The following PTPRD variants were observed in gnomAD, a reference collection of about 807,000 sequenced individuals.
The protein encoded by PTPRD is receptor-type tyrosine-protein phosphatase delta.
In PTPRD, 34 loss-of-function variants were observed where a neutral mutation model predicts 214.5. The observed-to-expected ratio is 0.16, with a 90% CI of 0.12 to 0.21. The LOEUF is 0.21. PTPRD is among the 10% of genes least tolerant of loss of function. The pLI is 1.00. For missense variants in PTPRD, 2,545 were observed against 2,398.7 expected (o/e 1.06, Z -1.27); for synonymous variants, 1,128 against 845.7 (o/e 1.33, Z -5.79).
intron 11 of PTPRD, among the ~76,000 whole-genome samples, chr9:8,882,145 C>G (rs555002818): frequency 6.6e-6 from 1 of 152,174 alleles, no homozygotes; most frequent in East Asian, 1.9e-4. Flanking sequence ...TCCTTTTTCC[C>G]TTTATAGCAT....
chr9:9,748,315 C>A (rs996534990), intron 6 of PTPRD, among the ~76,000 whole-genome samples: 2 of 152,194 alleles, frequency 1.3e-5, no homozygotes, highest in Middle Eastern at 3.4e-3. Flanking sequence ...ATGTTCACAC[C>A]AGAATTGTTC....
At chr9:10,442,964 T>A (rs1343119998) in intron 2 of PTPRD, among the ~76,000 whole-genome samples, 2 of 151,444 alleles carry the variant, frequency 1.3e-5, no homozygotes, top group Non-Finnish European at 3.0e-5. Context: ...TTCACACATG[T>A]CTGTTTGGAT....
intron 11 of PTPRD, among the ~76,000 whole-genome samples, chr9:8,846,826 G>A (rs2097706886): frequency 6.6e-6 from 1 of 152,126 alleles, no homozygotes; most frequent in African/African-American, 2.4e-5. Context: ...GTGCCTTTTG[G>A]TAAGGAATAT....
intron 8 of PTPRD, among the ~76,000 whole-genome samples, chr9:9,461,174 A>G (rs2093621384): frequency 6.8e-6 from 1 of 146,552 alleles, no homozygotes; most frequent in Admixed American, 7.0e-5. Context: ...TCTAAAATGT[A>G]GGAGAATGGA....
chr9:9,414,938 G>T (rs1005501850), intron 8 of PTPRD: 2 of 152,138 alleles, frequency 1.3e-5, no homozygotes, highest in Admixed American at 6.5e-5. Context: ...TGATCACACA[G>T]GGCTCTGACT....
intron 10 of PTPRD, among the ~76,000 whole-genome samples, chr9:9,154,724 C>T (rs1195515573): frequency 6.6e-6 from 1 of 152,078 alleles, no homozygotes; most frequent in African/African-American, 2.4e-5. Flanking sequence ...TCTCCTAAAA[C>T]AGCAACAGGT....
chr9:10,074,149 C>T (rs1239282787), intron 3 of PTPRD, among the ~76,000 whole-genome samples: 1 of 152,058 alleles, frequency 6.6e-6, no homozygotes, highest in Non-Finnish European at 1.5e-5. Context: ...TCAATTCTGC[C>T]GATGTTTACT....
chr9:10,127,876 C>T (rs7043462), intron 3 of PTPRD, among the ~76,000 whole-genome samples: 21,976 of 152,044 alleles, frequency 0.14, 1,644 homozygotes, highest in South Asian at 0.27. Context: ...CTTAAAATTC[C>T]CCGTCACTAT....
chr9:10,143,563 A>G (rs1327120679), intron 3 of PTPRD, among the ~76,000 whole-genome samples: 1 of 141,740 alleles, frequency 7.1e-6, no homozygotes, highest in Non-Finnish European at 1.5e-5. Flanking sequence ...TACTGGGTAT[A>G]TACATAAAGA....
chr9:10,496,773 C>A (rs1197948121), intron 2 of PTPRD, among the ~76,000 whole-genome samples: 1 of 151,998 alleles, frequency 6.6e-6, no homozygotes, highest in Non-Finnish European at 1.5e-5. Context: ...GGTGTGTGTT[C>A]AGGTACTTTG....
chr9:8,802,472 G>A (rs2096591457), intron 11 of PTPRD, among the ~76,000 whole-genome samples: 1 of 152,128 alleles, frequency 6.6e-6, no homozygotes, highest in South Asian at 2.1e-4. Context: ...GCAAAGAAAG[G>A]AATCACAAAA....
intron 33 of PTPRD, among the ~76,000 whole-genome samples, chr9:8,453,425 G>A (rs996514944): frequency 3.9e-5 from 6 of 152,086 alleles, no homozygotes; most frequent in Admixed American, 2.0e-4. Flanking sequence ...CAGCCTCCCA[G>A]AGTGCTGGGA....
intron 3 of PTPRD, among the ~76,000 whole-genome samples, chr9:10,262,980 T>C (rs1171380614): frequency 6.6e-6 from 1 of 152,102 alleles, no homozygotes; most frequent in African/African-American, 2.4e-5. Flanking sequence ...TCTCAAGAGA[T>C]CTGATGGTTT....
Position 10,467,272 on chromosome 9 carries a change from C to G in PTPRD, c.-599-126255G>C, listed in dbSNP as rs73644464. Among the ~76,000 whole-genome samples the G allele has an allele frequency of 1.7e-3, 261 of 152,304 alleles. 1 individual carries two copies. Among genetic ancestry groups the G allele is most frequent in the African/African-American group, 5.7e-3 (238 of 41,576 alleles). ...TGGCATCTGCCAAAAGGGAATAAAC[C>G]TGTCAATATACTGTGTTGTTTTAAG... On this transcript the variant is annotated intron_variant, in intron 2 of 45. Transcript: ENST00000381196.
chr9:9,150,582 G>A (rs762661267), intron 10 of PTPRD, among the ~76,000 whole-genome samples: 9 of 151,374 alleles, frequency 5.9e-5, no homozygotes, highest in Non-Finnish European at 1.2e-4. Context: ...CCACCTTCTG[G>A]GTTCAAGTGA....
At chr9:9,055,678 A>AC (rs2099694880) in intron 10 of PTPRD, among the ~76,000 whole-genome samples, 2 of 151,934 alleles carry the variant, frequency 1.3e-5, no homozygotes, top group Non-Finnish European at 2.9e-5. Context: ...CAGTGACTTT[A>AC]AAATGTGAGA....
intron 8 of PTPRD, among the ~76,000 whole-genome samples, chr9:9,426,620 C>T (rs1007848093): frequency 6.6e-6 from 1 of 152,166 alleles, no homozygotes; most frequent in African/African-American, 2.4e-5. Context: ...CAAGTGGGAC[C>T]CTGACCCCCG....
At chr9:8,439,605 G>A (rs1244232865) in intron 34 of PTPRD, among the ~76,000 whole-genome samples, 1 of 151,886 alleles carries the variant, frequency 6.6e-6, no homozygotes, top group Non-Finnish European at 1.5e-5. Context: ...ACCGAATGTC[G>A]GCATAAAAAT....
intron 10 of PTPRD, among the ~76,000 whole-genome samples, chr9:9,131,270 G>C (rs2099842162): frequency 6.6e-6 from 1 of 152,058 alleles, no homozygotes; most frequent in Admixed American, 6.6e-5. Flanking sequence ...TCAGATTTTA[G>C]TATGAAAACT....
Sources: allele counts gnomAD v4.1 joint callset (sites outside exome capture counted in the v4.1 genomes callset), GRCh38; gene constraint gnomAD v4.1.1; transcripts MANE v1.5; gene names NCBI Gene and HGNC (gene_info 2026-07-23, HGNC 2026-07-21).